Variants in NRXN1 observed in about 807,000 individuals in gnomAD.
NRXN1 encodes the protein neurexin-1.
NRXN1 carries 39 observed loss-of-function variants against 150.9 expected under a neutral mutation model. That is an observed-to-expected ratio of 0.26 (90% CI 0.20 to 0.34). The LOEUF (loss-of-function observed/expected upper bound fraction) is 0.34, where lower values mean the gene tolerates loss of function less well. Among genes scored for constraint, NRXN1 ranks in the 10% least tolerant of loss-of-function variants. NRXN1 has a pLI of 1.00. For synonymous variants in NRXN1, 924 were observed against 757.0 expected, an observed-to-expected ratio of 1.22 and a Z score of -3.62; for missense variants, 1,815 against 1,949.9, an observed-to-expected ratio of 0.93 and a Z score of 1.30.
chr2:50,652,925 T>A (rs1417467080), intron 5 of NRXN1, among the ~76,000 whole-genome samples: 1 of 152,078 alleles, frequency 6.6e-6, no homozygotes, highest in Admixed American at 6.6e-5. Context: ...ATTTCCCTAT[T>A]GGCTAATGAT....
chr2:50,850,850 A>G (rs1674415774), intron 5 of NRXN1, among the ~76,000 whole-genome samples: 1 of 152,168 alleles, frequency 6.6e-6, no homozygotes, highest in Admixed American at 6.5e-5. Context: ...TTCTTGAAAG[A>G]CAAGAACTTT....
intron 5 of NRXN1, among the ~76,000 whole-genome samples, chr2:50,720,196 CTT>C (rs918606064): frequency 6.8e-6 from 1 of 147,318 alleles, no homozygotes; most frequent in South Asian, 2.1e-4. Context: ...TGTCTTTCAA[CTT>C]TTTTTTTTTA....
chr2:50,201,469 A>T (rs2062158308), intron 18 of NRXN1, among the ~76,000 whole-genome samples: 5 of 152,210 alleles, frequency 3.3e-5, no homozygotes, highest in Admixed American at 3.3e-4. Context: ...GCAAGGATCC[A>T]GTGGAGCTTT....
chr2:50,527,694 GGAT>G (rs2092993317), intron 12 of NRXN1, among the ~76,000 whole-genome samples: 2 of 152,086 alleles, frequency 1.3e-5, no homozygotes, highest in Non-Finnish European at 2.9e-5. Context: ...GTTCCTCAGA[GGAT>G]GCCTTATTGC....
At chr2:50,634,332 AT>A (rs1407155355) in intron 5 of NRXN1, among the ~76,000 whole-genome samples, 2 of 152,214 alleles carry the variant, frequency 1.3e-5, no homozygotes, top group African/African-American at 4.8e-5. Context: ...AATTATACAT[AT>A]CTGGGTTCAA....
rs779979011 is a variant in NRXN1 at position 51,027,949 on chromosome 2, C to T, written c.325G>A (p.Val109Ile). The change falls in exon 2 of 23, where the codon GTT becomes ATT. Residue 109 changes from valine (V) to isoleucine (I), a missense_variant. By Grantham distance (29) the Val-to-Ile change is conservative. Around this residue, in one of 6 missense-constraint regions of NRXN1, gnomAD observed 554 missense variants for 478.8 expected, o/e 1.16. Coordinates refer to ENST00000401669, the MANE Select transcript of NRXN1 (RefSeq NM_001330078.2). ...ACGCTGTGCCAGGCGCCGTCGTTAACCGGCGTGTCGGCCAGGAGCGTCGCA... is the reference window on the plus strand; with the variant it reads ...ACGCTGTGCCAGGCGCCGTCGTTAATCGGCGTGTCGGCCAGGAGCGTCGCA... Reference protein sequence around the residue: ...EPATLLADTPVNDGAWHSVRI... With the variant: ...EPATLLADTPINDGAWHSVRI... 1.0e-5 allele frequency: 16 copies of T among 1,603,474 alleles called. No individual in the cohort carries two copies. Among genetic ancestry groups the T allele is most frequent in the South Asian group, 3.3e-5 (3 of 91,038 alleles).
chr2:49,963,911 T>C (rs1676446019), intron 21 of NRXN1, among the ~76,000 whole-genome samples: 1 of 152,230 alleles, frequency 6.6e-6, no homozygotes, highest in African/African-American at 2.4e-5. Context: ...ATCGGTCATA[T>C]GTCCCAGAGC....
intron 21 of NRXN1, chr2:50,019,246 T>C: frequency 2.1e-6 from 1 of 471,538 alleles, no homozygotes; most frequent in Non-Finnish European, 4.4e-6. Flanking sequence ...CTTGTTTTCT[T>C]ATTTGGGTTT....
At chr2:50,357,314 A>ATTTATTTATTTT (rs2078892721) in intron 17 of NRXN1, among the ~76,000 whole-genome samples, 4 of 146,096 alleles carry the variant, frequency 2.7e-5, no homozygotes, top group Non-Finnish European at 4.5e-5. Context: ...TTTTTTTTTT[A>ATTTATTTATTTT]TTTATTATTT....
chr2:50,380,604 C>G (rs760358621), intron 17 of NRXN1, among the ~76,000 whole-genome samples: 14 of 152,022 alleles, frequency 9.2e-5, no homozygotes, highest in Non-Finnish European at 1.6e-4. Flanking sequence ...AAATACCTAG[C>G]CACTAGGGAT....
chr2:50,667,112 C>T (rs1223473172), intron 5 of NRXN1, among the ~76,000 whole-genome samples: 2 of 151,790 alleles, frequency 1.3e-5, no homozygotes, highest in East Asian at 1.9e-4. Flanking sequence ...TGAACTTGTG[C>T]TTTTATTCTA....
chr2:50,879,358 C>T (rs914386718), intron 5 of NRXN1, among the ~76,000 whole-genome samples: 42 of 151,866 alleles, frequency 2.8e-4, no homozygotes, highest in Non-Finnish European at 5.3e-4. Context: ...ATATAGATTG[C>T]TTATTTGCAG....
intron 15 of NRXN1, among the ~76,000 whole-genome samples, chr2:50,476,702 C>A (rs577444570): frequency 6.6e-6 from 1 of 152,156 alleles, no homozygotes; most frequent in East Asian, 1.9e-4. Flanking sequence ...TTTATAAATT[C>A]TCCATGATAT....
intron 5 of NRXN1, among the ~76,000 whole-genome samples, chr2:50,815,631 A>G (rs1668821610): frequency 6.6e-6 from 1 of 152,176 alleles, no homozygotes; most frequent in South Asian, 2.1e-4. Flanking sequence ...TAAATTCTAT[A>G]TAAAAAGCAT....
At chr2:50,417,920 T>A (rs1016539285) in intron 17 of NRXN1, among the ~76,000 whole-genome samples, 11 of 151,636 alleles carry the variant, frequency 7.3e-5, no homozygotes, top group Admixed American at 2.0e-4. Context: ...GGCTAAAATA[T>A]CACATGTGGA....
Position 50,346,899 on chromosome 2 carries a change from G to T in NRXN1, c.3365-109929C>A. On this transcript the variant is annotated intron_variant, in intron 17 of 22. Coordinates refer to ENST00000401669, the MANE Select transcript of NRXN1 (RefSeq NM_001330078.2). The surrounding 1 kb of genome is among the most constrained non-coding windows in gnomAD (Gnocchi z 5.0). ...CGCCGCCGCCGCCGCCGCCGCCGCC[G>T]CCCCCGGGCGAGCCCAGCTCGGCGC... is the stretch of plus-strand genomic sequence containing the variant. The T allele has an allele frequency of 7.8e-7, 1 of 1,289,174 alleles. No individual in the cohort carries two copies. Among genetic ancestry groups the T allele is most frequent in the Non-Finnish European group, 9.8e-7 (1 of 1,020,694 alleles). 79.9% of individuals were successfully genotyped at this position (1,289,174 alleles called of 1,614,324 possible).
intron 5 of NRXN1, among the ~76,000 whole-genome samples, chr2:50,810,485 A>G (rs1481251522): frequency 6.6e-6 from 1 of 152,192 alleles, no homozygotes; most frequent in Non-Finnish European, 1.5e-5. Context: ...AATCACTCCA[A>G]TAAACATTTT....
chr2:50,102,724 A>T (rs1301345831), intron 18 of NRXN1, among the ~76,000 whole-genome samples: 1 of 152,032 alleles, frequency 6.6e-6, no homozygotes, highest in Non-Finnish European at 1.5e-5. Context: ...ATCAATAATG[A>T]ACATTTAGCA....
chr2:50,020,380 A>G (rs972280428), intron 21 of NRXN1, among the ~76,000 whole-genome samples: 10 of 152,340 alleles, frequency 6.6e-5, no homozygotes, highest in African/African-American at 1.9e-4. Flanking sequence ...TCTTAACTGT[A>G]TACTGAAAGT....
Sources: gnomAD v4.1 joint callset for allele counts (sites outside exome capture counted in the v4.1 genomes callset) on GRCh38, gnomAD v4.1.1 for gene constraint, gnomAD v4.1.1 regional missense constraint, Gnocchi (gnomAD v3.1) non-coding constraint, MANE v1.5 for transcripts, NCBI Gene and HGNC (gene_info 2026-07-23, HGNC 2026-07-21) for gene names.